Variants in CDKN3 observed in about 807,000 individuals in gnomAD.
The protein encoded by CDKN3 is cyclin dependent kinase inhibitor 3, also known as cyclin-dependent kinase inhibitor 3.
A neutral mutation model predicts 36.1 loss-of-function variants in CDKN3; 19 were observed. That is an observed-to-expected ratio of 0.53 (90% CI 0.37 to 0.77). CDKN3 has a LOEUF of 0.77. CDKN3 is among the 30% of genes least tolerant of loss of function. The pLI, the probability that CDKN3 is intolerant of heterozygous loss-of-function variation, is 0.00. For missense variants in CDKN3, 188 were observed against 248.6 expected, an observed-to-expected ratio of 0.76 and a Z score of 1.64; for synonymous variants, 71 against 85.3, an observed-to-expected ratio of 0.83 and a Z score of 0.92.
At position 54,400,700 on chromosome 14, in the gene CDKN3, T is replaced by C. The variant is rs78493966; in HGVS notation, c.92+724T>C. ...TCTTTTGTCCTGCCATCAAATAGCA[T>C]TACTTTCCATTTCCACTTAAAACTC... On this transcript the variant is annotated intron_variant, in intron 2 of 7. Transcript: ENST00000335183. 1.6e-3 allele frequency among the ~76,000 whole-genome samples: 248 copies of C among 152,264 alleles called. 1 individual carries two copies. The highest frequency in any genetic ancestry group is 5.6e-3 in the African/African-American group (233 of 41,556).
chr14:54,415,645 A>C (rs553896383), intron 5 of CDKN3, among the ~76,000 whole-genome samples: 4 of 152,372 alleles, frequency 2.6e-5, no homozygotes, highest in African/African-American at 9.6e-5. Context: ...TCAGATGTGG[A>C]TCTTGGAACC....
intron 1 of CDKN3, among the ~76,000 whole-genome samples, chr14:54,398,305 G>A (rs1886378447): frequency 6.6e-6 from 1 of 152,180 alleles, no homozygotes; most frequent in Non-Finnish European, 1.5e-5. Context: ...TTCACTCCTG[G>A]CCTCTTTCTC....
intron 5 of CDKN3, among the ~76,000 whole-genome samples, chr14:54,415,421 C>T (rs2030505715): frequency 6.6e-6 from 1 of 152,246 alleles, no homozygotes; most frequent in South Asian, 2.1e-4. Flanking sequence ...TAATAAGTGG[C>T]AGAGCCAGGA....
At chr14:54,414,799 T>C (rs2030483615) in intron 5 of CDKN3, among the ~76,000 whole-genome samples, 1 of 148,136 alleles carries the variant, frequency 6.8e-6, no homozygotes, top group Non-Finnish European at 1.5e-5. Context: ...TCCTCCCACC[T>C]TGGCCTCCCA....
chr14:54,412,833 C>T (rs777032820), intron 5 of CDKN3: 10 of 511,172 alleles, frequency 2.0e-5, no homozygotes, highest in Non-Finnish European at 3.5e-5. Flanking sequence ...AATCCTTTCT[C>T]GAATAAGGTA....
chr14:54,413,238 C>A (rs1280386895), intron 5 of CDKN3, among the ~76,000 whole-genome samples: 1 of 152,048 alleles, frequency 6.6e-6, no homozygotes, highest in Admixed American at 6.6e-5. Flanking sequence ...CAAATAGATC[C>A]AGTTGATGAT....
chr14:54,407,253 G>A (rs1196514925), intron 3 of CDKN3, among the ~76,000 whole-genome samples: 1 of 152,188 alleles, frequency 6.6e-6, no homozygotes, highest in Admixed American at 6.5e-5. Flanking sequence ...GATGCCAGCT[G>A]GAGTTCTCCT....
At chr14:54,404,221 A>G (rs573615316) in intron 3 of CDKN3, among the ~76,000 whole-genome samples, 1 of 152,200 alleles carries the variant, frequency 6.6e-6, no homozygotes, top group East Asian at 1.9e-4. Flanking sequence ...AGAACTTGTT[A>G]TTGGTCTATT....
At chr14:54,411,930 G>T in intron 5 of CDKN3, 2 of 579,238 alleles carry the variant, frequency 3.5e-6, no homozygotes, top group Non-Finnish European at 3.1e-6. Context: ...GAGTAGATTT[G>T]GAAATTGTTA....
In CDKN3 at chr14:54,397,597, ACAGGG is replaced by A. The variant is rs1292576346; in HGVS notation, c.9+522_9+526del. The stretch of plus-strand genomic sequence containing the variant: ...CTCTTTTCCCGTGACGTTCAGAATC[ACAGGG>A]CCTGGGGAAGCAGAAACGTCCAGCT... On this transcript the variant is annotated intron_variant, in intron 1 of 7. Coordinates refer to ENST00000335183, the MANE Select transcript of CDKN3 (RefSeq NM_005192.4). 3.9e-5 allele frequency among the ~76,000 whole-genome samples: 6 copies of A among 152,360 alleles called. No homozygotes were observed. In the East Asian group the frequency reaches 9.6e-4, roughly 24 times the overall value.
At chr14:54,400,048 C>T (rs975994795) in intron 2 of CDKN3, 72 bp downstream of exon 2, 3 of 790,474 alleles carry the variant, frequency 3.8e-6, no homozygotes, top group Non-Finnish European at 6.8e-6. Flanking sequence ...TTAGTTACAT[C>T]ATAATCTTAG....
chr14:54,417,421 G>A (rs1360715158), intron 6 of CDKN3, among the ~76,000 whole-genome samples: 3 of 152,174 alleles, frequency 2.0e-5, no homozygotes, highest in African/African-American at 7.2e-5. Flanking sequence ...GTATGTTTCC[G>A]TTTATGTGAT....
chr14:54,397,053 C>T lies in CDKN3; in HGVS notation c.-16C>T, dbSNP rs779899238. On this transcript the variant is annotated 5_prime_UTR_variant, in exon 1 of 8. In the 5' UTR this introduces an upstream ATG that the reference lacks. Transcript: ENST00000335183. ...CAGAGGGAGGCGGCACTGGTCTCGA[C>T]GTGGGGCGGCCAGCGATGAAGCCGG... 29 of 1,498,100 alleles carry T rather than the reference C, an allele frequency of 1.9e-5. No homozygotes were observed. In the South Asian group the frequency reaches 3.7e-4, roughly 19 times the overall value. The allele number at this position is 1,498,100 out of a possible 1,614,324, so 92.8% of individuals were successfully genotyped here.
At chr14:54,400,210 T>G (rs1161126284) in intron 2 of CDKN3, among the ~76,000 whole-genome samples, 1 of 148,572 alleles carries the variant, frequency 6.7e-6, no homozygotes, top group Non-Finnish European at 1.5e-5. Context: ...TCTTTATACA[T>G]TCTAACTCCA....
chr14:54,420,185 A>G lies in CDKN3; in HGVS notation c.*107A>G. ...GTTATCAACTTGAATGTAAATGTACATGTGCAGATATTCCTAAAGTTTTAT... is the reference window on the plus strand; with the variant it reads ...GTTATCAACTTGAATGTAAATGTACGTGTGCAGATATTCCTAAAGTTTTAT... On this transcript the variant is annotated 3_prime_UTR_variant, in exon 8 of 8. Coordinates refer to ENST00000335183, the MANE Select transcript of CDKN3 (RefSeq NM_005192.4). 1.7e-6 allele frequency: 1 copy of G among 593,050 alleles called. No homozygotes were observed. The highest frequency in any genetic ancestry group is 2.9e-5 in the East Asian group (1 of 34,510). The allele number at this position is 593,050 out of a possible 1,614,324, so 36.7% of individuals were successfully genotyped here.
intron 3 of CDKN3, among the ~76,000 whole-genome samples, chr14:54,402,332 G>GTGTGTGTGTA (rs1043905258): frequency 1.9e-4 from 29 of 151,670 alleles, no homozygotes; most frequent in African/African-American, 7.0e-4. Flanking sequence ...GTGTGTGTGT[G>GTGTGTGTGTA]TGTATGTATA....
chr14:54,400,703 C>A (rs776703014), intron 2 of CDKN3, among the ~76,000 whole-genome samples: 11 of 152,120 alleles, frequency 7.2e-5, no homozygotes, highest in Non-Finnish European at 1.2e-4. Context: ...AATAGCATTA[C>A]TTTCCATTTC....
At chr14:54,404,450 T>C (rs2030075135) in intron 3 of CDKN3, among the ~76,000 whole-genome samples, 1 of 151,798 alleles carries the variant, frequency 6.6e-6, no homozygotes, top group Non-Finnish European at 1.5e-5. Flanking sequence ...TTTTCTTCTT[T>C]ATTAGTCTGG....
At chr14:54,408,014 T>A (rs1452387198) in intron 3 of CDKN3, among the ~76,000 whole-genome samples, 2 of 152,244 alleles carry the variant, frequency 1.3e-5, no homozygotes, top group African/African-American at 4.8e-5. Context: ...TACTCATTAA[T>A]TGATGGGCAT....
Sources: gnomAD v4.1 joint callset for allele counts (sites outside exome capture counted in the v4.1 genomes callset) on GRCh38, gnomAD v4.1.1 for gene constraint, MANE v1.5 for transcripts, NCBI Gene and HGNC (gene_info 2026-07-23, HGNC 2026-07-21) for gene names.